Variants in PLEKHM1 observed in about 807,000 individuals in gnomAD.
The protein encoded by PLEKHM1 is pleckstrin homology domain-containing family M member 1.
In PLEKHM1, 28 loss-of-function variants were observed where a neutral mutation model predicts 94.3. That is an observed-to-expected ratio of 0.30 (90% CI 0.22 to 0.41). The LOEUF (loss-of-function observed/expected upper bound fraction) is 0.41, where lower values mean the gene tolerates loss of function less well. PLEKHM1 is among the 10% of genes least tolerant of loss of function. The pLI is 1.00. For missense variants in PLEKHM1, 907 were observed against 1,358.6 expected, an observed-to-expected ratio of 0.67 and a Z score of 5.22; for synonymous variants, 424 against 581.2, an observed-to-expected ratio of 0.73 and a Z score of 3.89.
chr17:45,483,612 T>C (rs1443424114), intron 1 of PLEKHM1, among the ~76,000 whole-genome samples: 3 of 152,178 alleles, frequency 2.0e-5, no homozygotes, highest in African/African-American at 2.4e-5. Flanking sequence ...GTGATGTCTG[T>C]CTCAGCTCTC....
rs1173952995 is a variant in PLEKHM1, at chr17:45,435,917, T to A, written c.*1941A>T. On this transcript the variant is annotated 3_prime_UTR_variant, in exon 12 of 12. Coordinates refer to ENST00000430334, the MANE Select transcript of PLEKHM1 (RefSeq NM_014798.3). ...CAGACCAGTGATGAGAAAGATCAGG[T>A]CTTTACTGCAAAATCATTCAAAACT... The A allele has an allele frequency of 4.4e-6, 2 of 455,322 alleles. No homozygotes were observed. The highest frequency in any genetic ancestry group is 8.8e-6 in the Non-Finnish European group (2 of 226,088). The allele number at this position is 455,322 out of a possible 1,614,324, so 28.2% of individuals were successfully genotyped here.
chr17:45,490,140 G>A (rs143853316), intron 1 of PLEKHM1, among the ~76,000 whole-genome samples: 1 of 152,076 alleles, frequency 6.6e-6, no homozygotes, highest in Non-Finnish European at 1.5e-5. Context: ...ATGAGAGGGC[G>A]GAGGTAGAAT....
At chr17:45,489,766 T>C (rs974658572) in intron 1 of PLEKHM1, among the ~76,000 whole-genome samples, 2 of 151,852 alleles carry the variant, frequency 1.3e-5, no homozygotes, top group African/African-American at 2.4e-5. Context: ...GCTGGTGGAG[T>C]TGGCAGGCGA....
At chr17:45,440,798 G>A in intron 9 of PLEKHM1, 1 of 187,454 alleles carries the variant, frequency 5.3e-6, no homozygotes, top group Admixed American at 5.4e-5. Flanking sequence ...CAAATGCCTA[G>A]AGATGCAGGC....
chr17:45,468,858 G>A lies in PLEKHM1; in HGVS notation c.924-265C>T, dbSNP rs191300693. Among the ~76,000 whole-genome samples, 646 of 152,264 alleles carry A rather than the reference G, an allele frequency of 4.2e-3. 1 individual carries two copies. Among genetic ancestry groups the A allele is most frequent in the African/African-American group, 0.015 (608 of 41,552 alleles). On this transcript the variant is annotated intron_variant, in intron 4 of 11. Transcript: ENST00000430334. ...GCGAAAAAGCTCCCCAGCAGAGGAA[G>A]AGGACTTGGTATGAATGAGGACTTA...
downstream of PLEKHM1, among the ~76,000 whole-genome samples, chr17:45,435,170 TG>T (rs1195619236): frequency 4.6e-5 from 7 of 152,046 alleles, no homozygotes; most frequent in Admixed American, 2.6e-4. Flanking sequence ...GTGAAGCCCT[TG>T]GGGGAAGCTG....
intron 1 of PLEKHM1, among the ~76,000 whole-genome samples, chr17:45,486,393 T>C (rs1390729276): frequency 6.6e-6 from 1 of 150,766 alleles, no homozygotes; most frequent in Non-Finnish European, 1.5e-5. Context: ...CCATCCTGGC[T>C]AACACGGTGA....
intron 9 of PLEKHM1, among the ~76,000 whole-genome samples, chr17:45,441,847 C>T (rs918276071): frequency 7.2e-5 from 11 of 152,178 alleles, no homozygotes; most frequent in African/African-American, 2.7e-4. Context: ...GGCTGGCTAC[C>T]TGGGAAAGAG....
intron 8 of PLEKHM1, among the ~76,000 whole-genome samples, chr17:45,449,765 G>A (rs1345202434): frequency 1.9e-5 from 2 of 104,182 alleles, no homozygotes; most frequent in Non-Finnish European, 4.0e-5. Context: ...CATCCACCTA[G>A]CCACCTGCTC....
At chr17:45,440,073 A>G (rs2145160440) in intron 10 of PLEKHM1, 90 bp downstream of exon 10, 1 of 1,237,308 alleles carries the variant, frequency 8.1e-7, no homozygotes, top group South Asian at 1.2e-5. Context: ...TCAGTAAACT[A>G]CAGACACCCC....
rs574974585 is a variant in PLEKHM1 at position 45,461,716 on chromosome 17, C to T, written c.1309-3277G>A. On this transcript the variant is annotated intron_variant, in intron 5 of 11. Transcript: ENST00000430334. ...ATTGGCCGCCTCTGTCTCTGCCGCC[C>T]ACTTCTGTGCAGGCCCCTGCAACCC... Among the ~76,000 whole-genome samples, 179 of 152,298 alleles carry T rather than the reference C, an allele frequency of 1.2e-3. 2 individuals carry two copies. The highest frequency in any genetic ancestry group is 4.1e-3 in the African/African-American group (172 of 41,530).
intron 1 of PLEKHM1, among the ~76,000 whole-genome samples, chr17:45,485,747 A>C (rs934531882): frequency 2.7e-5 from 4 of 150,758 alleles, no homozygotes; most frequent in African/African-American, 7.3e-5. Context: ...AAAAAAAAAA[A>C]CAAAAATTAG....
rs1489935462 is a variant in PLEKHM1 at position 45,484,938 on chromosome 17, A to ACAGGACACAGGGAGT, written c.-41-2428_-41-2414dup. On this transcript the variant is annotated intron_variant, in intron 1 of 11. Coordinates refer to ENST00000430334, the MANE Select transcript of PLEKHM1 (RefSeq NM_014798.3). ...GGCTTCTGGGGATAGCAGAGGGCAA[A>ACAGGACACAGGGAGT]CAGGACACAGGGAGTCAGGACCCAG... is the stretch of plus-strand genomic sequence containing the variant. Among the ~76,000 whole-genome samples the ACAGGACACAGGGAGT allele has an allele frequency of 2.6e-5, 4 of 151,198 alleles. No individual in the cohort carries two copies. The East Asian group carries it at 7.7e-4, about 29-fold the overall frequency.
At chr17:45,439,418 A>T in intron 11 of PLEKHM1, 59 bp downstream of exon 11, 1 of 1,591,774 alleles carries the variant, frequency 6.3e-7, no homozygotes, top group Non-Finnish European at 8.6e-7. Context: ...TGCTTGGGCC[A>T]GGCTGTGGGT....
chr17:45,454,127 C>G lies in PLEKHM1; in HGVS notation c.1725G>C (p.Glu575Asp). ...ACTCACAGCGAAGCAGCGAGCAGTT[C>G]TCCACACAGGTGTGCTCCTCGTTGC... ...YLSNEEHTCVENCSLLRCESV... is the reference protein window; with the variant it reads ...YLSNEEHTCVDNCSLLRCESV... Residue 575 changes from glutamate to aspartate, a missense_variant, in exon 7 of 12, where the codon GAG (glutamate) becomes GAC (aspartate). Around this residue, in one of 3 missense-constraint regions of PLEKHM1, gnomAD observed 477 missense variants for 601.5 expected, o/e 0.79. Transcript: ENST00000430334. 6.2e-7 allele frequency: 1 copy of G among 1,614,204 alleles called. No individual in the cohort carries two copies. The highest frequency in any genetic ancestry group is 8.5e-7 in the Non-Finnish European group (1 of 1,180,046).
intron 2 of PLEKHM1, 69 bp from the exon 3 acceptor site, chr17:45,478,216 C>T: frequency 6.2e-7 from 1 of 1,600,468 alleles, no homozygotes. Context: ...GAGTGTAATC[C>T]TTTAGCTGGT....
At chr17:45,458,821 T>C (rs1462671666) in intron 5 of PLEKHM1, among the ~76,000 whole-genome samples, 1 of 150,626 alleles carries the variant, frequency 6.6e-6, no homozygotes, top group African/African-American at 2.4e-5. Flanking sequence ...TCTTATATCA[T>C]AAAATTAACC....
At position 45,440,097 on chromosome 17, in the gene PLEKHM1, C is replaced by T. The variant is rs760867378; in HGVS notation, c.2901+66G>A. 6 of 1,441,240 alleles carry T rather than the reference C, an allele frequency of 4.2e-6. No individual in the cohort carries two copies. In the African/African-American group the frequency reaches 8.4e-5, roughly 20 times the overall value. The allele number at this position is 1,441,240 out of a possible 1,614,324, so 89.3% of individuals were successfully genotyped here. ...TACAGACACCCCCTCTTCCATCTTC[C>T]TTGCTGACTTCTCTGGGAATGAAGT... On this transcript the variant is annotated intron_variant, in intron 10 of 11. Transcript: ENST00000430334.
chr17:45,482,536 A>T lies in PLEKHM1; in HGVS notation c.-41-11T>A, dbSNP rs2051985907. ...AGAATCACATGACACCTGAAGAGACAGATGGCAGCCAGATGAATGGGCAGG... is the reference window on the plus strand; with the variant it reads ...AGAATCACATGACACCTGAAGAGACTGATGGCAGCCAGATGAATGGGCAGG... On this transcript the variant is annotated splice_polypyrimidine_tract_variant and intron_variant, in intron 1 of 11. Coordinates refer to ENST00000430334, the MANE Select transcript of PLEKHM1 (RefSeq NM_014798.3). 1.1e-6 allele frequency: 1 copy of T among 938,578 alleles called. No homozygotes were observed. Among genetic ancestry groups the T allele is most frequent in the Non-Finnish European group, 1.7e-6 (1 of 576,328 alleles). 58.1% of individuals were successfully genotyped at this position (938,578 alleles called of 1,614,324 possible).
Sources: gnomAD v4.1 joint callset for allele counts (sites outside exome capture counted in the v4.1 genomes callset) on GRCh38, gnomAD v4.1.1 for gene constraint, gnomAD v4.1.1 regional missense constraint, MANE v1.5 for transcripts, NCBI Gene and HGNC (gene_info 2026-07-23, HGNC 2026-07-21) for gene names.